Variants in NAA35 observed in about 807,000 individuals in gnomAD.
NAA35 encodes the protein MAK10 homolog, amino-acid N-acetyltransferase subunit.
In NAA35, 18 loss-of-function variants were observed where a neutral mutation model predicts 101.7. That is an observed-to-expected ratio of 0.18 (90% confidence interval 0.12 to 0.26). NAA35 has a LOEUF of 0.26. NAA35 is among the 10% of genes least tolerant of loss of function. The probability of loss-of-function intolerance (pLI) is 1.00; values close to 1 mark genes in which losing one functional copy is unlikely to be tolerated. For missense variants in NAA35, 601 were observed against 886.8 expected (o/e 0.68, Z 4.09); for synonymous variants, 267 against 273.1 (o/e 0.98, Z 0.22).
At chr9:86,001,859 C>T (rs564475524) in intron 12 of NAA35, among the ~76,000 whole-genome samples, 6 of 152,068 alleles carry the variant, frequency 3.9e-5, no homozygotes, top group East Asian at 1.9e-4. Context: ...CCATTTAGCC[C>T]GTTTACATTC....
At position 85,978,327 on chromosome 9, in the gene NAA35, A is replaced by G. The variant is rs1380913352; in HGVS notation, c.823A>G (p.Ile275Val). The G allele has an allele frequency of 6.2e-7, 1 of 1,613,366 alleles. No homozygotes were observed. Among genetic ancestry groups the G allele is most frequent in the Non-Finnish European group, 8.5e-7 (1 of 1,179,544 alleles). The stretch of plus-strand genomic sequence containing the variant: ...TCAAGCAGCAGATCTTCTTTCTGCC[A>G]TTCATAATTCATTGCATCATGGCAT... The part of the protein sequence containing the change: ...MVQAADLLSA[I>V]HNSLHHGIQA... Residue 275 changes from isoleucine (I) to valine (V), a missense_variant, in exon 11 of 23, where the codon ATT becomes GTT. This residue lies in a region of NAA35 where 190 missense variants were observed against 223.1 expected (regional missense o/e 0.85). Coordinates refer to ENST00000361671, the MANE Select transcript of NAA35 (RefSeq NM_024635.4).
At chr9:85,971,764 G>A (rs1830009124) in intron 6 of NAA35, among the ~76,000 whole-genome samples, 2 of 151,950 alleles carry the variant, frequency 1.3e-5, no homozygotes, top group Admixed American at 6.6e-5. Context: ...AGGCTTGATT[G>A]TATAGTTTAC....
intron 11 of NAA35, among the ~76,000 whole-genome samples, chr9:85,985,419 G>T (rs75365718): frequency 6.6e-6 from 1 of 152,182 alleles, no homozygotes; most frequent in African/African-American, 2.4e-5. Flanking sequence ...TGTATTATTT[G>T]TCAACAAAAA....
chr9:85,955,349 TATATATA>T (rs1477482606), intron 2 of NAA35, among the ~76,000 whole-genome samples: 858 of 82,186 alleles, frequency 0.01, 25 homozygotes, highest in African/African-American at 0.045. Context: ...TATATATATA[TATATATA>T]TATATTTTTT....
intron 12 of NAA35, among the ~76,000 whole-genome samples, chr9:85,998,415 A>G (rs929062408): frequency 1.3e-5 from 2 of 152,178 alleles, no homozygotes; most frequent in African/African-American, 2.4e-5. Context: ...ATTAAATTAC[A>G]TTTAGGTCAT....
intron 12 of NAA35, among the ~76,000 whole-genome samples, chr9:86,002,076 C>G (rs1242750098): frequency 6.6e-6 from 1 of 152,122 alleles, no homozygotes; most frequent in African/African-American, 2.4e-5. Flanking sequence ...AATGAAGTCC[C>G]TCAACATTTG....
chr9:85,988,796 CG>C (rs1227168951), intron 11 of NAA35, among the ~76,000 whole-genome samples: 2 of 138,884 alleles, frequency 1.4e-5, no homozygotes, highest in African/African-American at 2.7e-5. Flanking sequence ...AACTCCGTCT[CG>C]AAAAAAAAAA....
intron 16 of NAA35, 79 bp downstream of exon 16, chr9:86,013,223 A>G: frequency 1.2e-6 from 1 of 856,394 alleles, no homozygotes. Flanking sequence ...AATAATTCAG[A>G]ACAATATTTT....
At position 86,003,580 on chromosome 9, in the gene NAA35, G is replaced by C; in HGVS notation, c.1057-5G>C. The C allele has an allele frequency of 6.3e-7, 1 of 1,576,820 alleles. No homozygotes were observed. Among genetic ancestry groups the C allele is most frequent in the African/African-American group, 1.3e-5 (1 of 74,106 alleles). ...GACATTGCTTTTTCTTTATATATCT[G>C]TTAGGATTTTTTCTGTGAATTTAGT... On this transcript the variant is annotated splice_region_variant and splice_polypyrimidine_tract_variant and intron_variant, in intron 12 of 22. Transcript: ENST00000361671.
intron 6 of NAA35, among the ~76,000 whole-genome samples, chr9:85,963,773 T>C (rs1440661248): frequency 6.6e-6 from 1 of 152,124 alleles, no homozygotes; most frequent in East Asian, 1.9e-4. Context: ...TCAAAATCAA[T>C]GGGGCAGAGA....
At chr9:85,998,639 T>C (rs975988092) in intron 12 of NAA35, among the ~76,000 whole-genome samples, 1 of 152,222 alleles carries the variant, frequency 6.6e-6, no homozygotes, top group Non-Finnish European at 1.5e-5. Flanking sequence ...TTTTTGTTTT[T>C]TGTTTTTCTC....
intron 11 of NAA35, among the ~76,000 whole-genome samples, chr9:85,987,212 A>G (rs1308608387): frequency 4.6e-5 from 7 of 152,216 alleles, no homozygotes; most frequent in African/African-American, 1.7e-4. Flanking sequence ...TGTTGGTTTT[A>G]ATAAAAGCCT....
chr9:85,976,480 A>G (rs1830216878), intron 8 of NAA35, among the ~76,000 whole-genome samples: 1 of 152,048 alleles, frequency 6.6e-6, no homozygotes, highest in African/African-American at 2.4e-5. Flanking sequence ...CTTTTCCATG[A>G]TCTTTATAAT....
At chr9:85,994,736 C>T (rs1024791311) in intron 11 of NAA35, among the ~76,000 whole-genome samples, 7 of 151,768 alleles carry the variant, frequency 4.6e-5, no homozygotes, top group African/African-American at 1.5e-4. Flanking sequence ...ATCTTTTATC[C>T]GGGGGGAAGG....
intron 22 of NAA35, 72 bp downstream of exon 22, chr9:86,021,041 G>A: frequency 8.9e-7 from 1 of 1,118,616 alleles, no homozygotes; most frequent in Non-Finnish European, 1.3e-6. Context: ...AATAAGATGT[G>A]TAAATATTAC....
rs926707570 is a variant in NAA35, at chr9:85,959,105, G to A, written c.273+519G>A. Among the ~76,000 whole-genome samples, 9 of 151,968 alleles carry A rather than the reference G, an allele frequency of 5.9e-5. No homozygotes were observed. The South Asian group carries it at 1.5e-3, about 25-fold the overall frequency. ...AAATCTTTAGTTTTCGGCTGGGTGC[G>A]GTGGTTCATGCCTGTAATCCCAGCA... On this transcript the variant is annotated intron_variant, in intron 4 of 22. Transcript: ENST00000361671.
intron 1 of NAA35, chr9:85,941,698 G>A (rs913630323): frequency 2.5e-5 from 25 of 986,376 alleles, no homozygotes; most frequent in Non-Finnish European, 2.5e-5. Flanking sequence ...GTCCGGGCCG[G>A]CTCTGGCCCG....
chr9:85,960,196 A>G (rs1450790291), intron 5 of NAA35, among the ~76,000 whole-genome samples: 5 of 152,234 alleles, frequency 3.3e-5, no homozygotes, highest in Admixed American at 6.6e-5. Flanking sequence ...AATTGAAACA[A>G]AAGAGAGCTA....
intron 14 of NAA35, among the ~76,000 whole-genome samples, chr9:86,007,825 C>A (rs191100077): frequency 8.1e-4 from 123 of 151,992 alleles, no homozygotes; most frequent in African/African-American, 2.9e-3. Context: ...GCTTTTCCAA[C>A]AGGGAAGGGA....
Sources: allele counts gnomAD v4.1 joint callset (sites outside exome capture counted in the v4.1 genomes callset), GRCh38; gene constraint gnomAD v4.1.1; regional missense constraint gnomAD v4.1.1; transcripts MANE v1.5; gene names NCBI Gene and HGNC (gene_info 2026-07-23, HGNC 2026-07-21).